Variants in RAB22A observed in about 807,000 individuals in gnomAD.
RAB22A encodes ras-related protein Rab-22A.
RAB22A carries 13 observed loss-of-function variants against 30.2 expected under a neutral mutation model. The ratio of observed to expected loss-of-function variants is 0.43; its 90% CI spans 0.28 to 0.68. The LOEUF (loss-of-function observed/expected upper bound fraction) is 0.68, where lower values mean the gene tolerates loss of function less well. Ranked by LOEUF, RAB22A falls within the 30% of genes least tolerant of loss-of-function variation. RAB22A has a pLI of 0.18. For synonymous variants in RAB22A, 89 were observed against 87.2 expected (o/e 1.02, Z -0.11); for missense variants, 177 against 246.8 (o/e 0.72, Z 1.89).
chr20:58,341,498 A>G (rs980478605), intron 2 of RAB22A, among the ~76,000 whole-genome samples: 17 of 152,148 alleles, frequency 1.1e-4, no homozygotes, highest in Admixed American at 3.9e-4. Flanking sequence ...CTGGTGATCA[A>G]TGGACTGGAA....
At chr20:58,359,017 C>A (rs1248673471) in intron 6 of RAB22A, among the ~76,000 whole-genome samples, 2 of 151,944 alleles carry the variant, frequency 1.3e-5, no homozygotes, top group Non-Finnish European at 2.9e-5. Flanking sequence ...TTATTTCTTG[C>A]CCCATTTGGC....
chr20:58,352,056 G>C (rs976883840), intron 3 of RAB22A, among the ~76,000 whole-genome samples: 8 of 152,142 alleles, frequency 5.3e-5, no homozygotes, highest in Admixed American at 4.6e-4. Flanking sequence ...TGAAAACAAG[G>C]TGGAAGAAGG....
intron 3 of RAB22A, among the ~76,000 whole-genome samples, chr20:58,347,835 G>A (rs915901165): frequency 1.3e-5 from 2 of 152,132 alleles, no homozygotes; most frequent in Non-Finnish European, 2.9e-5. Context: ...CAGTAGCATT[G>A]AGACAGACAC....
At chr20:58,342,642 A>G (rs1483473768) in intron 2 of RAB22A, among the ~76,000 whole-genome samples, 1 of 116,238 alleles carries the variant, frequency 8.6e-6, no homozygotes, top group Non-Finnish European at 1.7e-5. Context: ...CAAGAGTACA[A>G]TTTGGCAAAA....
Position 58,360,686 on chromosome 20 carries a change from C to G in RAB22A, c.*983C>G, listed in dbSNP as rs1987210866. On this transcript the variant is annotated 3_prime_UTR_variant, in exon 7 of 7. Coordinates refer to ENST00000244040, the MANE Select transcript of RAB22A (RefSeq NM_020673.3). ...TTTGACATTCCATTGAATCTCGCACCCAGTCTTGCGTATGCCTGCCCAGTT... is the reference window on the plus strand; with the variant it reads ...TTTGACATTCCATTGAATCTCGCACGCAGTCTTGCGTATGCCTGCCCAGTT... 6.6e-6 allele frequency: 1 copy of G among 152,506 alleles called. No individual in the cohort carries two copies. The highest frequency in any genetic ancestry group is 1.5e-5 in the Non-Finnish European group (1 of 68,024). The allele number at this position is 152,506 out of a possible 1,614,324, so 9.4% of individuals were successfully genotyped here.
intron 2 of RAB22A, among the ~76,000 whole-genome samples, chr20:58,327,711 G>C (rs1986592502): frequency 6.6e-6 from 1 of 152,134 alleles, no homozygotes; most frequent in Admixed American, 6.6e-5. Context: ...AAAAAAGAGT[G>C]AATTACATTA....
intron 2 of RAB22A, among the ~76,000 whole-genome samples, chr20:58,318,501 G>C (rs897675025): frequency 6.6e-6 from 1 of 151,874 alleles, no homozygotes; most frequent in African/African-American, 2.4e-5. Flanking sequence ...ATGCTGAACT[G>C]ATATAATGCA....
At chr20:58,350,083 A>G (rs1428173784) in intron 3 of RAB22A, among the ~76,000 whole-genome samples, 1 of 152,090 alleles carries the variant, frequency 6.6e-6, no homozygotes, top group Non-Finnish European at 1.5e-5. Context: ...ACAACATGGC[A>G]AAAGCCCATC....
Position 58,360,796 on chromosome 20 carries a change from T to C in RAB22A, c.*1093T>C, listed in dbSNP as rs1987212590. The C allele has an allele frequency of 6.6e-6, 1 of 152,652 alleles. No individual in the cohort carries two copies. The highest frequency in any genetic ancestry group is 2.4e-5 in the African/African-American group (1 of 41,446). 9.5% of individuals were successfully genotyped at this position (152,652 alleles called of 1,614,324 possible). On this transcript the variant is annotated 3_prime_UTR_variant, in exon 7 of 7. Coordinates refer to ENST00000244040, the MANE Select transcript of RAB22A (RefSeq NM_020673.3). ...AGCTTACAATCTTTAAAGGTTTCTC[T>C]GCCTTCCCTTCTACCCACCCGCCTC...
At chr20:58,353,370 T>A in intron 4 of RAB22A, 26 bp downstream of exon 4, 1 of 1,610,792 alleles carries the variant, frequency 6.2e-7, no homozygotes, top group African/African-American at 1.3e-5. Context: ...TTTCTTTAGA[T>A]TGTTTTGAAA....
chr20:58,339,462 T>G (rs916414721), intron 2 of RAB22A, among the ~76,000 whole-genome samples: 2 of 152,156 alleles, frequency 1.3e-5, no homozygotes, highest in South Asian at 2.1e-4. Context: ...GTTAAAGGAG[T>G]GATCCTAGTG....
chr20:58,321,230 G>A, intron 2 of RAB22A, among the ~76,000 whole-genome samples: 1 of 151,970 alleles, frequency 6.6e-6, no homozygotes, highest in East Asian at 1.9e-4. Context: ...TGGGCATGGT[G>A]GTAGGCACCT....
intron 2 of RAB22A, among the ~76,000 whole-genome samples, chr20:58,315,482 C>T (rs1488276694): frequency 6.6e-6 from 1 of 152,146 alleles, no homozygotes; most frequent in African/African-American, 2.4e-5. Flanking sequence ...ACCATGCTCC[C>T]TAGACTTAGG....
chr20:58,359,322 A>G (rs1363346807), intron 6 of RAB22A, among the ~76,000 whole-genome samples: 1 of 152,116 alleles, frequency 6.6e-6, no homozygotes, highest in Admixed American at 6.5e-5. Context: ...TGCTATCTGA[A>G]AAAAGTCTGG....
At chr20:58,313,977 G>A (rs1204706757) in intron 2 of RAB22A, among the ~76,000 whole-genome samples, 2 of 152,090 alleles carry the variant, frequency 1.3e-5, no homozygotes, top group Non-Finnish European at 2.9e-5. Flanking sequence ...TAGACAAAAT[G>A]GACTTCTGTC....
chr20:58,310,061 C>T, intron 1 of RAB22A, 49 bp downstream of exon 1: 4 of 1,253,490 alleles, frequency 3.2e-6, no homozygotes, highest in Middle Eastern at 2.6e-4. Flanking sequence ...GCTGGGCTGG[C>T]GGGGACCCCG....
intron 6 of RAB22A, among the ~76,000 whole-genome samples, chr20:58,358,787 C>T (rs904375449): frequency 6.6e-6 from 1 of 151,398 alleles, no homozygotes; most frequent in Non-Finnish European, 1.5e-5. Context: ...CCCAGCTACT[C>T]GGGAGGCTGA....
Position 58,354,214 on chromosome 20 carries a change from G to C in RAB22A, c.436G>C (p.Glu146Gln), listed in dbSNP as rs781097207. ...YADSIHAIFVETSAKNAININ... is the reference protein window; with the variant it reads ...YADSIHAIFVQTSAKNAININ... ...CGACTCTATTCATGCAATTTTTGTA[G>C]AGACCAGCGCAAAAAACGCGATAAA... Residue 146 changes from glutamate (E) to glutamine (Q), a missense_variant, in exon 6 of 7, where the codon GAG becomes CAG. By Grantham distance (29) the Glu-to-Gln change is conservative. Coordinates refer to ENST00000244040, the MANE Select transcript of RAB22A (RefSeq NM_020673.3). 1 of 1,613,848 alleles carries C rather than the reference G, an allele frequency of 6.2e-7. No individual in the cohort carries two copies. Among genetic ancestry groups the C allele is most frequent in the Non-Finnish European group, 8.5e-7 (1 of 1,179,818 alleles).
chr20:58,348,503 GCA>G (rs1480312727), intron 3 of RAB22A, among the ~76,000 whole-genome samples: 5 of 152,264 alleles, frequency 3.3e-5, no homozygotes, highest in African/African-American at 9.6e-5. Flanking sequence ...ACTGGCCAGT[GCA>G]CAGTTACCAT....
Sources: gnomAD v4.1 joint callset for allele counts (sites outside exome capture counted in the v4.1 genomes callset) on GRCh38, gnomAD v4.1.1 for gene constraint, MANE v1.5 for transcripts, NCBI Gene and HGNC (gene_info 2026-07-23, HGNC 2026-07-21) for gene names.